Variants in LSAMP observed in about 807,000 individuals in gnomAD.
LSAMP encodes limbic system associated membrane protein.
A neutral mutation model predicts 38.6 loss-of-function variants in LSAMP; 7 were observed. The observed-to-expected ratio is 0.18, with a 90% CI of 0.10 to 0.34. LSAMP has a LOEUF of 0.34. Among genes scored for constraint, LSAMP ranks in the 10% least tolerant of loss-of-function variants. The pLI is 1.00. For missense variants in LSAMP, 313 were observed against 420.0 expected (o/e 0.75, Z 2.23); for synonymous variants, 154 against 166.8 (o/e 0.92, Z 0.59).
chr3:116,412,144 T>C (rs974723851), intron 1 of LSAMP, among the ~76,000 whole-genome samples: 4 of 152,072 alleles, frequency 2.6e-5, no homozygotes, highest in African/African-American at 9.7e-5. Flanking sequence ...TCTGCTTCCC[T>C]GAAACTATTC....
intron 1 of LSAMP, among the ~76,000 whole-genome samples, chr3:116,238,092 G>A (rs930699823): frequency 3.9e-5 from 6 of 152,026 alleles, no homozygotes; most frequent in African/African-American, 1.4e-4. Flanking sequence ...ATATTTCCTG[G>A]GGGGCAAAAT....
chr3:116,123,712 C>G (rs1708939973), intron 1 of LSAMP, among the ~76,000 whole-genome samples: 1 of 152,172 alleles, frequency 6.6e-6, no homozygotes, highest in Admixed American at 6.5e-5. Flanking sequence ...AAGTCACTAT[C>G]TGCTTTAAGA....
At chr3:115,825,244 T>C (rs1443041937) in intron 6 of LSAMP, among the ~76,000 whole-genome samples, 1 of 152,188 alleles carries the variant, frequency 6.6e-6, no homozygotes, top group Non-Finnish European at 1.5e-5. Context: ...TGGACCTACC[T>C]CTATTGCACT....
chr3:116,215,887 C>T (rs1159864319), intron 1 of LSAMP, among the ~76,000 whole-genome samples: 1 of 152,116 alleles, frequency 6.6e-6, no homozygotes, highest in Non-Finnish European at 1.5e-5. Context: ...AATTATTCAC[C>T]ATTGTAAAGG....
At chr3:116,326,985 G>T (rs537678969) in intron 1 of LSAMP, among the ~76,000 whole-genome samples, 13 of 152,122 alleles carry the variant, frequency 8.5e-5, no homozygotes, top group Non-Finnish European at 1.8e-4. Flanking sequence ...GAAAAGAGAA[G>T]GGTGGAGACC....
rs541991181 is a variant in LSAMP at position 116,233,885 on chromosome 3, T to C, written c.156-147329A>G. 7.0e-4 allele frequency among the ~76,000 whole-genome samples: 106 copies of C among 152,294 alleles called. 2 individuals are homozygous for C. The South Asian group carries it at 0.021, about 30-fold the overall frequency. ...TTTAACAGTCACATGGTTTATCTGA[T>C]TCTCCCCTCCTCCTTCCAGAAGGCA... On this transcript the variant is annotated intron_variant, in intron 1 of 6. Transcript: ENST00000490035.
intron 2 of LSAMP, among the ~76,000 whole-genome samples, chr3:116,078,377 C>T (rs879820314): frequency 6.6e-5 from 10 of 151,376 alleles, no homozygotes; most frequent in South Asian, 2.1e-4. Flanking sequence ...CAGGCTGGAG[C>T]GCAGTGGCCT....
chr3:116,105,681 C>G (rs1708449930), intron 1 of LSAMP, among the ~76,000 whole-genome samples: 1 of 152,104 alleles, frequency 6.6e-6, no homozygotes, highest in Non-Finnish European at 1.5e-5. Context: ...TAAGGCGGGG[C>G]AGGGCCTTTT....
intron 2 of LSAMP, among the ~76,000 whole-genome samples, chr3:116,071,053 T>TA (rs745683193): frequency 1.9e-3 from 258 of 138,856 alleles, no homozygotes; most frequent in East Asian, 4.1e-3. Context: ...AATAAATAAA[T>TA]AATAAATAAA....
chr3:116,277,489 C>A (rs943716083), intron 1 of LSAMP, among the ~76,000 whole-genome samples: 1 of 151,986 alleles, frequency 6.6e-6, no homozygotes, highest in Non-Finnish European at 1.5e-5. Flanking sequence ...CCTGCCTCAG[C>A]CTCCCGAGTG....
At chr3:116,222,714 C>A (rs2046301509) in intron 1 of LSAMP, among the ~76,000 whole-genome samples, 1 of 133,852 alleles carries the variant, frequency 7.5e-6, no homozygotes, top group African/African-American at 3.1e-5. Flanking sequence ...CACCTTTCAT[C>A]CTCTCCTTTT....
intron 1 of LSAMP, among the ~76,000 whole-genome samples, chr3:116,275,900 T>G (rs2047045251): frequency 6.6e-6 from 1 of 152,176 alleles, no homozygotes; most frequent in Admixed American, 6.5e-5. Flanking sequence ...TAAAACCAAA[T>G]CAGGGGAAGA....
chr3:116,333,547 A>AT (rs1413737724), intron 1 of LSAMP, among the ~76,000 whole-genome samples: 1 of 151,930 alleles, frequency 6.6e-6, no homozygotes, highest in Non-Finnish European at 1.5e-5. Context: ...AAAAAAAAAA[A>AT]AAAAGATATC....
chr3:116,315,218 T>C (rs2047612827), intron 1 of LSAMP, among the ~76,000 whole-genome samples: 2 of 152,128 alleles, frequency 1.3e-5, no homozygotes, highest in Non-Finnish European at 2.9e-5. Flanking sequence ...ACCTACCAAG[T>C]CTCCAAGATG....
chr3:116,012,665 T>A (rs909629750), intron 3 of LSAMP, among the ~76,000 whole-genome samples: 9 of 152,282 alleles, frequency 5.9e-5, no homozygotes, highest in Non-Finnish European at 1.0e-4. Flanking sequence ...TTAGCTTTTT[T>A]AAAAATCCCC....
chr3:116,327,598 G>A (rs60905441), intron 1 of LSAMP, among the ~76,000 whole-genome samples: 2,431 of 151,878 alleles, frequency 0.016, 72 homozygotes, highest in African/African-American at 0.056. Context: ...GTACTCTCTG[G>A]GATATGCTAA....
At chr3:116,418,541 T>C (rs531080663) in intron 1 of LSAMP, among the ~76,000 whole-genome samples, 101 of 152,242 alleles carry the variant, frequency 6.6e-4, no homozygotes, top group African/African-American at 2.3e-3. Flanking sequence ...AGCTTATCCC[T>C]TCATGTCATG....
Position 115,810,422 on chromosome 3 carries a change from G to T in LSAMP, c.920-8C>A, listed in dbSNP as rs762838425. 6.9e-6 allele frequency: 11 copies of T among 1,596,152 alleles called. No homozygotes were observed. The highest frequency in any genetic ancestry group is 9.4e-6 in the Non-Finnish European group (11 of 1,164,350). On this transcript the variant is annotated splice_region_variant and splice_polypyrimidine_tract_variant and intron_variant, in intron 6 of 6. Transcript: ENST00000490035. ...CTCTCACCGACCCAGGTCCTGCAGAGCAAAAGAGGAGAGAGAAAAAGAGAA... is the reference window on the plus strand; with the variant it reads ...CTCTCACCGACCCAGGTCCTGCAGATCAAAAGAGGAGAGAGAAAAAGAGAA...
chr3:116,136,285 T>G (rs1709246080), intron 1 of LSAMP, among the ~76,000 whole-genome samples: 1 of 152,146 alleles, frequency 6.6e-6, no homozygotes, highest in South Asian at 2.1e-4. Context: ...ACATTTTGGT[T>G]GTAAAAGAGT....
Sources: allele counts gnomAD v4.1 joint callset (sites outside exome capture counted in the v4.1 genomes callset), GRCh38; gene constraint gnomAD v4.1.1; transcripts MANE v1.5; gene names NCBI Gene and HGNC (gene_info 2026-07-23, HGNC 2026-07-21).